The following COG3 variants were observed in gnomAD, a reference collection of about 807,000 sequenced individuals.
The protein encoded by COG3 is conserved oligomeric Golgi complex subunit 3.
A neutral mutation model predicts 114.1 loss-of-function variants in COG3; 32 were observed. The observed-to-expected ratio is 0.28, with a 90% CI of 0.21 to 0.38. The LOEUF (loss-of-function observed/expected upper bound fraction) is 0.38, where lower values mean the gene tolerates loss of function less well. Among genes scored for constraint, COG3 ranks in the 10% least tolerant of loss-of-function variants. The probability of loss-of-function intolerance (pLI) is 1.00; values close to 1 mark genes in which losing one functional copy is unlikely to be tolerated. For synonymous variants in COG3, 352 were observed against 365.7 expected (o/e 0.96, Z 0.43); for missense variants, 813 against 973.2 (o/e 0.84, Z 2.19).
chr13:45,521,584 C>T (rs557819212), intron 19 of COG3, among the ~76,000 whole-genome samples: 1 of 151,856 alleles, frequency 6.6e-6, no homozygotes, highest in Admixed American at 6.6e-5. Flanking sequence ...CGTGCACACA[C>T]ACACACACAC....
chr13:45,518,687 G>T (rs1871798272), intron 17 of COG3, 75 bp from the exon 18 acceptor site: 2 of 1,103,218 alleles, frequency 1.8e-6, no homozygotes, highest in Admixed American at 2.0e-5. Context: ...TGGTGGTAGA[G>T]AACTGGTGTA....
rs376444139 is a variant in COG3, at chr13:45,465,213, G to C, written c.174+3G>C. On this transcript the variant is annotated splice_donor_region_variant and intron_variant, in intron 1 of 22. Transcript: ENST00000349995. Reference sequence around the variant, plus strand: ...AGAACTTGCCGGTGCCAGCTGAGGTGAGGTGATGGGCAGGAACCGGGCCGG... The same window carrying C: ...AGAACTTGCCGGTGCCAGCTGAGGTCAGGTGATGGGCAGGAACCGGGCCGG... 3.1e-6 allele frequency: 5 copies of C among 1,613,014 alleles called. No individual in the cohort carries two copies. In the African/African-American group the frequency reaches 5.3e-5, roughly 17 times the overall value.
At chr13:45,498,638 T>TTTTTG (rs373378195) in intron 13 of COG3, among the ~76,000 whole-genome samples, 1 of 152,036 alleles carries the variant, frequency 6.6e-6, no homozygotes, top group African/African-American at 2.4e-5. Flanking sequence ...ATTAATGGTT[T>TTTTTG]TTTTGTTTTG....
At chr13:45,504,328 G>A (rs1160246480) in intron 14 of COG3, among the ~76,000 whole-genome samples, 14 of 152,190 alleles carry the variant, frequency 9.2e-5, no homozygotes, top group East Asian at 1.9e-4. Context: ...GACCCACAGA[G>A]GGCTGAAATT....
At chr13:45,525,617 G>A (rs1872588802) in intron 20 of COG3, among the ~76,000 whole-genome samples, 1 of 79,076 alleles carries the variant, frequency 1.3e-5, no homozygotes, top group Admixed American at 1.4e-4. Flanking sequence ...AAATTTTTTT[G>A]TGCTGGAGGG....
At chr13:45,507,840 T>C (rs1282137808) in intron 14 of COG3, among the ~76,000 whole-genome samples, 2 of 147,548 alleles carry the variant, frequency 1.4e-5, no homozygotes, top group African/African-American at 5.0e-5. Context: ...GAGGCTGAGG[T>C]GGGTGGATCA....
intron 14 of COG3, among the ~76,000 whole-genome samples, chr13:45,506,558 G>A (rs1216292590): frequency 6.6e-6 from 1 of 152,166 alleles, no homozygotes; most frequent in Non-Finnish European, 1.5e-5. Context: ...CGAGTATTAA[G>A]AAAATCTGCC....
At position 45,529,895 on chromosome 13, in the gene COG3, T is replaced by A; in HGVS notation, c.2335T>A (p.Phe779Ile). Reference sequence around the variant, plus strand: ...GTACCTATCCAATAAAGATACCGAGTTCATCTTGTTTAAACCTGTGAGGGT... The same window carrying A: ...GTACCTATCCAATAAAGATACCGAGATCATCTTGTTTAAACCTGTGAGGGT... ...SLYLSNKDTE[F>I]ILFKPVRNNI... Residue 779 changes from phenylalanine (F) to isoleucine (I), a missense_variant, in exon 21 of 23, where the codon TTC becomes ATC. Phe to Ile is a conservative substitution (Grantham distance 21). This residue lies in a region of COG3 where 389 missense variants were observed against 542.6 expected (regional missense o/e 0.72). Transcript: ENST00000349995. 3 of 1,611,156 alleles carry A rather than the reference T, an allele frequency of 1.9e-6. No individual in the cohort carries two copies. The highest frequency in any genetic ancestry group is 2.5e-6 in the Non-Finnish European group (3 of 1,179,076).
At position 45,534,694 on chromosome 13, in the gene COG3, CT is replaced by C; in HGVS notation, c.2458-4del. On this transcript the variant is annotated splice_region_variant and splice_polypyrimidine_tract_variant and intron_variant, in intron 22 of 22. Coordinates refer to ENST00000349995, the MANE Select transcript of COG3 (RefSeq NM_031431.4). Reference sequence around the variant, plus strand: ...AGAACTAACATAGCTCTTAATTTTGCTTTTCAGCTGAGCCTTCTGCTGTTGG... The same window carrying C: ...AGAACTAACATAGCTCTTAATTTTGCTTTCAGCTGAGCCTTCTGCTGTTGG... The C allele has an allele frequency of 6.4e-7, 1 of 1,560,016 alleles. No homozygotes were observed. Among genetic ancestry groups the C allele is most frequent in the Non-Finnish European group, 8.7e-7 (1 of 1,150,926 alleles).
chr13:45,465,731 A>G (rs781669488), intron 1 of COG3: 2 of 152,652 alleles, frequency 1.3e-5, no homozygotes, highest in South Asian at 2.1e-4. Context: ...ACATTGAACT[A>G]TGAGCTCTCA....
rs1871929862 is a variant in COG3 at position 45,519,854 on chromosome 13, C to G, written c.2154+760C>G. Among the ~76,000 whole-genome samples the G allele has an allele frequency of 2.6e-5, 4 of 152,176 alleles. No homozygotes were observed. In the South Asian group the frequency reaches 8.3e-4, roughly 32 times the overall value. On this transcript the variant is annotated intron_variant, in intron 19 of 22. Coordinates refer to ENST00000349995, the MANE Select transcript of COG3 (RefSeq NM_031431.4). ...TCTCTCTGTCTCTCTGTCTTCTAAT[C>G]TAAAATCCATTAACTGGCAAATGCC...
chr13:45,476,579 G>A (rs550611899), intron 2 of COG3, among the ~76,000 whole-genome samples: 6 of 152,262 alleles, frequency 3.9e-5, no homozygotes, highest in African/African-American at 1.2e-4. Flanking sequence ...ATGTTTGGAC[G>A]TTGATAGATT....
At chr13:45,533,589 A>T (rs1297683567) in intron 22 of COG3, among the ~76,000 whole-genome samples, 1 of 152,218 alleles carries the variant, frequency 6.6e-6, no homozygotes, top group African/African-American at 2.4e-5. Context: ...GAAACTTAAC[A>T]TTGATACTAG....
At chr13:45,499,245 G>A (rs1327656422) in intron 13 of COG3, among the ~76,000 whole-genome samples, 1 of 151,978 alleles carries the variant, frequency 6.6e-6, no homozygotes, top group African/African-American at 2.4e-5. Context: ...CACCTCTAAT[G>A]TATTTACTCA....
At chr13:45,507,045 C>T (rs1165246382) in intron 14 of COG3, among the ~76,000 whole-genome samples, 1 of 152,196 alleles carries the variant, frequency 6.6e-6, no homozygotes, top group Non-Finnish European at 1.5e-5. Flanking sequence ...TGCTCTGCTC[C>T]TCAGGAGTGG....
rs528026760 is a variant in COG3, at chr13:45,484,420, T to C, written c.843+1065T>C. ...GTCCTACATTCAGTGAGTGGCAGAA[T>C]GTGAATCTCAATTCAGATCTGTTTA... is the stretch of plus-strand genomic sequence containing the variant. On this transcript the variant is annotated intron_variant, in intron 7 of 22. Coordinates refer to ENST00000349995, the MANE Select transcript of COG3 (RefSeq NM_031431.4). Among the ~76,000 whole-genome samples, 6 of 152,240 alleles carry C rather than the reference T, an allele frequency of 3.9e-5. No homozygotes were observed. In the East Asian group the frequency reaches 7.7e-4, roughly 20 times the overall value.
intron 12 of COG3, among the ~76,000 whole-genome samples, chr13:45,494,676 C>T (rs1054576955): frequency 2.6e-5 from 4 of 151,954 alleles, no homozygotes; most frequent in Admixed American, 2.6e-4. Context: ...AGGTGCATGC[C>T]ACCATGCCCA....
chr13:45,479,001 C>T lies in COG3; in HGVS notation c.322-4C>T, dbSNP rs1171679660. ...GTTCACAATATAATACTCTGTTTTT[C>T]CAGTTTTTCTCATGGTTTGCAAAGC... On this transcript the variant is annotated splice_region_variant and splice_polypyrimidine_tract_variant and intron_variant, in intron 2 of 22. Transcript: ENST00000349995. 2 of 1,606,904 alleles carry T rather than the reference C, an allele frequency of 1.2e-6. No individual in the cohort carries two copies. The highest frequency in any genetic ancestry group is 2.2e-5 in the East Asian group (1 of 44,804).
At chr13:45,508,034 A>C (rs1438309594) in intron 14 of COG3, among the ~76,000 whole-genome samples, 5 of 124,232 alleles carry the variant, frequency 4.0e-5, no homozygotes, top group Admixed American at 1.1e-4. Flanking sequence ...GCGCCGCTGC[A>C]CTCCAGCCTA....
Sources: allele counts gnomAD v4.1 joint callset (sites outside exome capture counted in the v4.1 genomes callset), GRCh38; gene constraint gnomAD v4.1.1; regional missense constraint gnomAD v4.1.1; transcripts MANE v1.5; gene names NCBI Gene and HGNC (gene_info 2026-07-23, HGNC 2026-07-21).